DRC3: variants seen among roughly 807,000 people sequenced by gnomAD.
DRC3 encodes leucine rich repeat containing 48.
Under a neutral mutation model 57.6 loss-of-function variants are expected in DRC3, and 45 were observed. The ratio of observed to expected loss-of-function variants is 0.78; its 90% CI spans 0.62 to 1.00. The LOEUF (loss-of-function observed/expected upper bound fraction) is 1.00, where lower values mean the gene tolerates loss of function less well. Ranked by LOEUF, DRC3 falls within the 50% of genes least tolerant of loss-of-function variation. DRC3 has a pLI of 0.00. For synonymous variants in DRC3, 257 were observed against 272.3 expected, an observed-to-expected ratio of 0.94 and a Z score of 0.55; for missense variants, 655 against 675.2, an observed-to-expected ratio of 0.97 and a Z score of 0.33.
chr17:18,010,946 TTTTGTTTG>T (rs201338433), intron 12 of DRC3: 25 of 242,992 alleles, frequency 1.0e-4, no homozygotes, highest in Non-Finnish European at 1.6e-4. Context: ...GAGGTTTTTT[TTTTGTTTG>T]TTTGTTTGTT....
At chr17:17,997,326 T>G in intron 8 of DRC3, 134 bp from the exon 9 acceptor site, 2 of 759,648 alleles carry the variant, frequency 2.6e-6, no homozygotes, top group Non-Finnish European at 4.1e-6. Flanking sequence ...ATGAACCAAA[T>G]GAGACCAGGA....
intron 9 of DRC3, among the ~76,000 whole-genome samples, chr17:18,003,825 G>A (rs1456366657): frequency 8.1e-6 from 1 of 122,736 alleles, no homozygotes; most frequent in South Asian, 2.7e-4. Context: ...TTTTTTTTTT[G>A]TATTTTTAGT....
At chr17:17,996,632 A>C (rs1568502330) in intron 8 of DRC3, among the ~76,000 whole-genome samples, 1 of 151,984 alleles carries the variant, frequency 6.6e-6, no homozygotes, top group Non-Finnish European at 1.5e-5. Flanking sequence ...CACCATCTCT[A>C]AAAAAAACCA....
At chr17:17,983,036 C>T (rs1308279722) in intron 3 of DRC3, among the ~76,000 whole-genome samples, 2 of 151,634 alleles carry the variant, frequency 1.3e-5, no homozygotes, top group African/African-American at 2.4e-5. Context: ...TTTACTTATA[C>T]ATATGTGTTT....
intron 9 of DRC3, among the ~76,000 whole-genome samples, chr17:18,000,459 T>G (rs1234954096): frequency 6.6e-5 from 10 of 152,186 alleles, no homozygotes; most frequent in Admixed American, 5.2e-4. Context: ...AAAAGTAGCT[T>G]CTTTTTTTTA....
chr17:18,001,105 G>T (rs1226901181), intron 9 of DRC3, among the ~76,000 whole-genome samples: 5 of 148,514 alleles, frequency 3.4e-5, no homozygotes. Context: ...TTTTTTTTTA[G>T]CTAGTCAAAT....
At position 18,016,833 on chromosome 17, in the gene DRC3, T is replaced by A; in HGVS notation, c.*162T>A. The A allele has an allele frequency of 4.2e-6, 2 of 475,020 alleles. No homozygotes were observed. Among genetic ancestry groups the A allele is most frequent in the Non-Finnish European group, 7.5e-6 (2 of 267,506 alleles). The allele number at this position is 475,020 out of a possible 1,614,324, so 29.4% of individuals were successfully genotyped here. On this transcript the variant is annotated 3_prime_UTR_variant, in exon 14 of 14. Coordinates refer to ENST00000399187, the MANE Select transcript of DRC3 (RefSeq NM_031294.4). Reference sequence around the variant, plus strand: ...CCACCCCTGGAAAAACTTCCAAAAGTAGAGAAAATAAAGGACTCATTTCAC... The same window carrying A: ...CCACCCCTGGAAAAACTTCCAAAAGAAGAGAAAATAAAGGACTCATTTCAC...
rs2043987309 is a variant in DRC3 at position 18,007,120 on chromosome 17, C to CGAGGACCTGCCT, written c.1300_1311dup (p.Glu434_Pro437dup). The CGAGGACCTGCCT allele has an allele frequency of 2.5e-6, 3 of 1,223,442 alleles. No homozygotes were observed. Among genetic ancestry groups the CGAGGACCTGCCT allele is most frequent in the South Asian group, 1.6e-5 (1 of 63,356 alleles). 75.8% of individuals were successfully genotyped at this position (1,223,442 alleles called of 1,614,324 possible). On this transcript the variant is annotated inframe_insertion, in exon 12 of 14. Coordinates refer to ENST00000399187, the MANE Select transcript of DRC3 (RefSeq NM_031294.4). ...AGAAGATTGTCGAGGGCGACCTGGA[C>CGAGGACCTGCCT]GAGGACCTGCCTAACGACCTGCGCG...
Position 18,016,888 on chromosome 17 carries a change from A to G in DRC3, c.*217A>G, listed in dbSNP as rs1302660182. The G allele has an allele frequency of 1.4e-5, 5 of 362,292 alleles. 1 individual carries two copies. In the East Asian group the frequency reaches 2.5e-4, roughly 18 times the overall value. 22.4% of individuals were successfully genotyped at this position (362,292 alleles called of 1,614,324 possible). On this transcript the variant is annotated 3_prime_UTR_variant, in exon 14 of 14. Transcript: ENST00000399187. The stretch of plus-strand genomic sequence containing the variant: ...CCCCTACTCATAAAAAAAAAAAAAA[A>G]ATCAGCTGGGTGCGGTGGTTCACGT...
In DRC3 at chr17:18,007,138, C is replaced by T; in HGVS notation, c.1317C>T (p.Asp439=). The T allele has an allele frequency of 3.0e-6, 3 of 995,590 alleles. No individual in the cohort carries two copies. Among genetic ancestry groups the T allele is most frequent in the Non-Finnish European group, 3.7e-6 (3 of 813,108 alleles). 61.7% of individuals were successfully genotyped at this position (995,590 alleles called of 1,614,324 possible). Residue 439 remains aspartate (D), a synonymous_variant, in exon 12 of 14, where the codon GAC becomes GAT. Transcript: ENST00000399187. ...ACCTGGACGAGGACCTGCCTAACGA[C>T]CTGCGCGCGGTAGGCGGGGCGGGCT... ...EGDLDEDLPN[D]LRALFVDKDT...
At chr17:17,994,670 A>T (rs573517163) in intron 7 of DRC3, among the ~76,000 whole-genome samples, 25 of 152,306 alleles carry the variant, frequency 1.6e-4, no homozygotes, top group African/African-American at 6.0e-4. Flanking sequence ...GAATGTGCTA[A>T]AAACAGTCTG....
At chr17:17,989,033 G>C (rs568772858) in intron 5 of DRC3, among the ~76,000 whole-genome samples, 2 of 152,220 alleles carry the variant, frequency 1.3e-5, no homozygotes, top group South Asian at 4.1e-4. Flanking sequence ...TAACGCATTT[G>C]GTTCGGTGTC....
At chr17:17,993,019 G>T in intron 6 of DRC3, 108 bp downstream of exon 6, 1 of 1,195,324 alleles carries the variant, frequency 8.4e-7, no homozygotes, top group Non-Finnish European at 1.2e-6. Flanking sequence ...CCACAACTAG[G>T]AGAGAAAGGG....
In DRC3 at chr17:18,006,246, CAA is replaced by C; in HGVS notation, c.1197_1198del (p.Ser400ProfsTer38). 3 of 1,609,548 alleles carry C rather than the reference CAA, an allele frequency of 1.9e-6. No individual in the cohort carries two copies. In the South Asian group the frequency reaches 3.3e-5, roughly 18 times the overall value. On this transcript the variant is annotated frameshift_variant, in exon 11 of 14. Coordinates refer to ENST00000399187, the MANE Select transcript of DRC3 (RefSeq NM_031294.4). LOFTEE classifies it high-confidence loss of function. ...GGTAGGACTGTTTATCGAAAATGTC[CAA>C]AGCCTATATCCTTTCTGTGATGACC... Reference protein sequence around the residue: ...DMVGLFIENVQSLMAQCRDLE... With the variant: ...DMVGLFIENVXSLMAQCRDLE...
intron 9 of DRC3, among the ~76,000 whole-genome samples, chr17:17,998,995 G>A (rs1432416327): frequency 6.6e-6 from 1 of 152,208 alleles, no homozygotes; most frequent in Non-Finnish European, 1.5e-5. Context: ...CTCTGGACAG[G>A]TCATGTCTCC....
intron 2 of DRC3, among the ~76,000 whole-genome samples, chr17:17,975,321 C>T (rs1399890657): frequency 6.6e-6 from 1 of 151,564 alleles, no homozygotes; most frequent in Admixed American, 6.6e-5. Flanking sequence ...AAGCGATTCT[C>T]CTGCCTCAGC....
At position 18,006,234 on chromosome 17, in the gene DRC3, A is replaced by C; in HGVS notation, c.1183A>C (p.Ile395Leu). ...RNIVDMVGLF[I>L]ENVQSLMAQC... ...CATTGTTGACATGGTAGGACTGTTT[A>C]TCGAAAATGTCCAAAGCCTATATCC... Residue 395 changes from isoleucine to leucine, a missense_variant, in exon 11 of 14, where the codon ATC (isoleucine) becomes CTC (leucine). Transcript: ENST00000399187. 6.2e-7 allele frequency: 1 copy of C among 1,611,798 alleles called. No individual in the cohort carries two copies. Among genetic ancestry groups the C allele is most frequent in the South Asian group, 1.1e-5 (1 of 90,656 alleles).
chr17:18,016,099 CG>C lies in DRC3; in HGVS notation c.1366del (p.Ala456HisfsTer8). Reference sequence around the variant, plus strand: ...ATAAAGATACGATTGTTAATGCTGTCGGGGCATCGCACGACATCCACCTCCT... The same window carrying C: ...ATAAAGATACGATTGTTAATGCTGTCGGGCATCGCACGACATCCACCTCCT... ...VDKDTIVNAVGASHDIHLLKI... is the reference protein window; with the variant it reads ...VDKDTIVNAVXASHDIHLLKI... On this transcript the variant is annotated frameshift_variant, in exon 13 of 14. Transcript: ENST00000399187. LOFTEE classifies it high-confidence loss of function. 1 of 1,613,872 alleles carries C rather than the reference CG, an allele frequency of 6.2e-7. No individual in the cohort carries two copies. Among genetic ancestry groups the C allele is most frequent in the Non-Finnish European group, 8.5e-7 (1 of 1,179,844 alleles).
At chr17:17,990,069 G>A (rs1161872464) in intron 5 of DRC3, among the ~76,000 whole-genome samples, 1 of 152,146 alleles carries the variant, frequency 6.6e-6, no homozygotes, top group Non-Finnish European at 1.5e-5. Context: ...TCTCTTAATG[G>A]TTGCAGTCAA....
Sources: allele counts gnomAD v4.1 joint callset (sites outside exome capture counted in the v4.1 genomes callset), GRCh38; gene constraint gnomAD v4.1.1; transcripts MANE v1.5; gene names NCBI Gene and HGNC (gene_info 2026-07-23, HGNC 2026-07-21).